PTPRD: variants seen among roughly 807,000 people sequenced by gnomAD.
The protein encoded by PTPRD is receptor-type tyrosine-protein phosphatase delta.
PTPRD carries 34 observed loss-of-function variants against 214.5 expected under a neutral mutation model. That is an observed-to-expected ratio of 0.16 (90% confidence interval 0.12 to 0.21). The LOEUF (loss-of-function observed/expected upper bound fraction) is 0.21, where lower values mean the gene tolerates loss of function less well. Ranked by LOEUF, PTPRD falls within the 10% of genes least tolerant of loss-of-function variation. PTPRD has a pLI of 1.00. For synonymous variants in PTPRD, 1,128 were observed against 845.7 expected (o/e 1.33, Z -5.79); for missense variants, 2,545 against 2,398.7 (o/e 1.06, Z -1.27).
At chr9:9,826,619 T>C (rs772455988) in intron 5 of PTPRD, among the ~76,000 whole-genome samples, 91 of 152,030 alleles carry the variant, frequency 6.0e-4, no homozygotes, top group Non-Finnish European at 1.6e-4. Context: ...TTGGTACTCA[T>C]AGTATACTTA....
At chr9:8,392,145 G>C (rs2089802592) in intron 36 of PTPRD, among the ~76,000 whole-genome samples, 1 of 152,072 alleles carries the variant, frequency 6.6e-6, no homozygotes, top group Non-Finnish European at 1.5e-5. Context: ...AACATTTTGA[G>C]AGGCTGAGGC....
At chr9:9,189,067 G>T (rs548021430) in intron 9 of PTPRD, among the ~76,000 whole-genome samples, 1 of 151,972 alleles carries the variant, frequency 6.6e-6, no homozygotes, top group Non-Finnish European at 1.5e-5. Context: ...TTTGAACATG[G>T]TATGTATCAG....
At chr9:9,188,407 G>A (rs930782473) in intron 9 of PTPRD, among the ~76,000 whole-genome samples, 10 of 152,138 alleles carry the variant, frequency 6.6e-5, no homozygotes, top group African/African-American at 2.4e-4. Context: ...ATCTGGTTAC[G>A]TATATGTTAA....
intron 3 of PTPRD, among the ~76,000 whole-genome samples, chr9:10,066,202 A>C (rs766283476): frequency 6.6e-6 from 1 of 151,910 alleles, no homozygotes; most frequent in African/African-American, 2.4e-5. Flanking sequence ...ATACTTTGTT[A>C]TGTTTATTGT....
At position 10,459,359 on chromosome 9, in the gene PTPRD, A is replaced by G. The variant is rs187036382; in HGVS notation, c.-599-118342T>C. Among the ~76,000 whole-genome samples the G allele has an allele frequency of 5.0e-4, 76 of 152,278 alleles. No individual in the cohort carries two copies. The Middle Eastern group carries it at 0.027, about 55-fold the overall frequency. ...AATTGTGAATTGTGCCGCAATAGAC[A>G]TATATGTGCATGCGTCTTTACAGTA... On this transcript the variant is annotated intron_variant, in intron 2 of 45. Transcript: ENST00000381196.
chr9:8,823,650 T>C (rs12341355), intron 11 of PTPRD, among the ~76,000 whole-genome samples: 7 of 148,998 alleles, frequency 4.7e-5, no homozygotes, highest in Non-Finnish European at 8.9e-5. Flanking sequence ...AGACCCTGTT[T>C]CAAAAAAGGG....
intron 8 of PTPRD, among the ~76,000 whole-genome samples, chr9:9,557,743 T>C (rs1209870981): frequency 1.3e-5 from 2 of 152,182 alleles, no homozygotes; most frequent in African/African-American, 4.8e-5. Context: ...AAGCTTTGAA[T>C]CCACCTATGA....
chr9:9,317,907 C>T (rs1964175658), intron 9 of PTPRD, among the ~76,000 whole-genome samples: 1 of 152,080 alleles, frequency 6.6e-6, no homozygotes, highest in Non-Finnish European at 1.5e-5. Context: ...TGCGGTGGCT[C>T]ACGCCTGTAA....
chr9:10,386,735 G>A (rs1419205325), intron 2 of PTPRD, among the ~76,000 whole-genome samples: 1 of 151,738 alleles, frequency 6.6e-6, no homozygotes, highest in Non-Finnish European at 1.5e-5. Flanking sequence ...AGAGAGAAGA[G>A]AGACAATTCT....
At chr9:8,952,425 T>C (rs1008225874) in intron 11 of PTPRD, among the ~76,000 whole-genome samples, 10 of 151,980 alleles carry the variant, frequency 6.6e-5, no homozygotes, top group African/African-American at 2.4e-4. Flanking sequence ...AATCTGTATG[T>C]TTTACCTTTA....
chr9:9,065,451 G>A (rs1412917502), intron 10 of PTPRD, among the ~76,000 whole-genome samples: 2 of 152,206 alleles, frequency 1.3e-5, no homozygotes, highest in East Asian at 1.9e-4. Flanking sequence ...AGGTCAGTGT[G>A]GCTGCAGTGT....
At chr9:9,256,550 A>G (rs1197099648) in intron 9 of PTPRD, among the ~76,000 whole-genome samples, 1 of 151,940 alleles carries the variant, frequency 6.6e-6, no homozygotes, top group Non-Finnish European at 1.5e-5. Flanking sequence ...AGGACCCTTT[A>G]AAGTGAAAAT....
chr9:8,501,127 T>C (rs563955058), intron 23 of PTPRD, 68 bp from the exon 24 acceptor site: 1 of 1,252,646 alleles, frequency 8.0e-7, no homozygotes, highest in Non-Finnish European at 1.1e-6. Context: ...AAAAAAATGA[T>C]AAAACAAAAG....
intron 3 of PTPRD, among the ~76,000 whole-genome samples, chr9:10,092,798 A>G (rs142308929): frequency 0.016 from 2,369 of 151,532 alleles, 51 homozygotes; most frequent in African/African-American, 0.054. Context: ...CAATAAAGTC[A>G]CATACCTACA....
At chr9:10,519,583 G>C (rs1351345663) in intron 2 of PTPRD, among the ~76,000 whole-genome samples, 8 of 152,016 alleles carry the variant, frequency 5.3e-5, no homozygotes, top group African/African-American at 1.9e-4. Context: ...ATTTTATCAT[G>C]CTTCACAGCT....
intron 3 of PTPRD, among the ~76,000 whole-genome samples, chr9:10,292,532 C>G (rs1453332184): frequency 6.6e-6 from 1 of 151,936 alleles, no homozygotes; most frequent in South Asian, 2.1e-4. Flanking sequence ...AAGACACAAG[C>G]TAAGTTCAGA....
intron 8 of PTPRD, among the ~76,000 whole-genome samples, chr9:9,519,601 C>T (rs1263276829): frequency 1.3e-5 from 2 of 151,924 alleles, no homozygotes; most frequent in Non-Finnish European, 2.9e-5. Flanking sequence ...AAATCAACTC[C>T]TAGAACACAA....
chr9:9,075,919 T>C (rs1591139878), intron 10 of PTPRD, among the ~76,000 whole-genome samples: 1 of 152,334 alleles, frequency 6.6e-6, no homozygotes, highest in Admixed American at 6.5e-5. Flanking sequence ...CCTTTGGGTA[T>C]ATACCCAGTA....
intron 6 of PTPRD, among the ~76,000 whole-genome samples, chr9:9,751,520 G>A (rs1232280487): frequency 1.3e-5 from 2 of 152,130 alleles, no homozygotes; most frequent in Non-Finnish European, 2.9e-5. Context: ...ACCTCAGAAT[G>A]TGACTTTCTT....
Sources: gnomAD v4.1 joint callset for allele counts (sites outside exome capture counted in the v4.1 genomes callset) on GRCh38, gnomAD v4.1.1 for gene constraint, MANE v1.5 for transcripts, NCBI Gene and HGNC (gene_info 2026-07-23, HGNC 2026-07-21) for gene names.